NME2: variants seen among roughly 807,000 people sequenced by gnomAD.
The protein encoded by NME2 is NME/NM23 nucleoside diphosphate kinase 2, also known as nucleoside diphosphate kinase B.
Under a neutral mutation model 17.8 loss-of-function variants are expected in NME2, and 18 were observed. The ratio of observed to expected loss-of-function variants is 1.01; its 90% CI spans 0.70 to 1.50. NME2 has a LOEUF of 1.50. Ranked by LOEUF, NME2 falls within the 40% of genes most tolerant of loss-of-function variation. The probability of loss-of-function intolerance (pLI) is 0.00; values close to 1 mark genes in which losing one functional copy is unlikely to be tolerated. For missense variants in NME2, 161 were observed against 195.6 expected (o/e 0.82, Z 1.05); for synonymous variants, 74 against 71.4 (o/e 1.04, Z -0.19).
At chr17:51,166,802 C>T (rs1403515306) in intron 1 of NME2, 25 bp from the exon 2 acceptor site, 9 of 1,595,430 alleles carry the variant, frequency 5.6e-6, no homozygotes, top group East Asian at 4.6e-5. Flanking sequence ...GCGCCCGGGC[C>T]CTGACCGCAC....
chr17:51,166,115 CTGTGTGTGTG>C (rs34942810), upstream of NME2, among the ~76,000 whole-genome samples: 2 of 148,860 alleles, frequency 1.3e-5, no homozygotes, highest in Non-Finnish European at 3.0e-5. Flanking sequence ...GGAGCAGGTT[CTGTGTGTGTG>C]TGTGTGTGTG....
chr17:51,169,803 T>G, intron 3 of NME2, 134 bp from the exon 4 acceptor site: 2 of 759,726 alleles, frequency 2.6e-6, no homozygotes, highest in Admixed American at 5.9e-5. Context: ...AGGCCCCTAC[T>G]CTCTGCTGGG....
chr17:51,169,801 ACT>A, intron 3 of NME2, 134 bp from the exon 4 acceptor site: 2 of 744,330 alleles, frequency 2.7e-6, no homozygotes, highest in East Asian at 2.9e-5. Context: ...ATAGGCCCCT[ACT>A]CTCTGCTGGG....
chr17:51,169,898 T>C, intron 3 of NME2, 39 bp from the exon 4 acceptor site: 1 of 1,586,000 alleles, frequency 6.3e-7, no homozygotes. Flanking sequence ...CTGTCCTGAG[T>C]GGCAGGTCTG....
At chr17:51,170,634 T>G (rs1171641417) in intron 4 of NME2, among the ~76,000 whole-genome samples, 2 of 151,086 alleles carry the variant, frequency 1.3e-5, no homozygotes, top group African/African-American at 4.9e-5. Flanking sequence ...CTACTAAAAG[T>G]AAAAAATTAG....
At chr17:51,166,024 C>G (rs2049928088), upstream of NME2, 5 of 152,188 alleles carry the variant, frequency 3.3e-5, no homozygotes, top group Admixed American at 3.3e-4. Context: ...GGAGGGAGAG[C>G]CAAGTCAAGG....
chr17:51,168,355 T>C lies in NME2; in HGVS notation c.228+12T>C. 1 of 1,612,966 alleles carries C rather than the reference T, an allele frequency of 6.2e-7. No homozygotes were observed. The highest frequency in any genetic ancestry group is 8.5e-7 in the Non-Finnish European group (1 of 1,179,452). ...CGGTTGTGGCCATGGTGAGTGCTCG[T>C]GGGGAATGAGAGAAAATGAGGAAAA... On this transcript the variant is annotated intron_variant, in intron 3 of 4. Transcript: ENST00000512737.
At position 51,168,349 on chromosome 17, in the gene NME2, T is replaced by C; in HGVS notation, c.228+6T>C. 6.2e-7 allele frequency: 1 copy of C among 1,613,636 alleles called. No individual in the cohort carries two copies. Among genetic ancestry groups the C allele is most frequent in the Non-Finnish European group, 8.5e-7 (1 of 1,179,754 alleles). On this transcript the variant is annotated splice_donor_region_variant and intron_variant, in intron 3 of 4. Coordinates refer to ENST00000512737, the MANE Select transcript of NME2 (RefSeq NM_002512.4). ...CAGGGCCGGTTGTGGCCATGGTGAG[T>C]GCTCGTGGGGAATGAGAGAAAATGA...
intron 4 of NME2, among the ~76,000 whole-genome samples, chr17:51,171,271 G>T (rs2050063823): frequency 6.6e-6 from 1 of 152,132 alleles, no homozygotes; most frequent in Admixed American, 6.5e-5. Context: ...GCCAGACTTG[G>T]AAGCATAATA....
chr17:51,168,652 CAG>C (rs1349910716), intron 3 of NME2, among the ~76,000 whole-genome samples: 13 of 150,096 alleles, frequency 8.7e-5, no homozygotes, highest in East Asian at 4.0e-4. Context: ...GCCTGGGCAA[CAG>C]AGCGAGACTC....
chr17:51,169,647 C>A, intron 3 of NME2: 1 of 306,196 alleles, frequency 3.3e-6, no homozygotes, highest in Non-Finnish European at 6.0e-6. Context: ...CCACTTTCTC[C>A]TTTCTTCACC....
In NME2 at chr17:51,169,920, AT is replaced by A. The variant is rs2050031568; in HGVS notation, c.229-13del. On this transcript the variant is annotated splice_polypyrimidine_tract_variant and intron_variant, in intron 3 of 4. Coordinates refer to ENST00000512737, the MANE Select transcript of NME2 (RefSeq NM_002512.4). ...GAGTGGCAGGTCTGATTATAAATCC[AT>A]TTTCACACTTTCGAGGTCTGGGAGG... 6.2e-7 allele frequency: 1 copy of A among 1,613,124 alleles called. No homozygotes were observed. The highest frequency in any genetic ancestry group is 1.3e-5 in the African/African-American group (1 of 74,956).
At chr17:51,167,793 A>G (rs2049980074) in intron 2 of NME2, among the ~76,000 whole-genome samples, 1 of 152,176 alleles carries the variant, frequency 6.6e-6, no homozygotes, top group Admixed American at 6.5e-5. Flanking sequence ...AGCCTGAGCC[A>G]CATAGCAAGC....
intron 4 of NME2, 105 bp downstream of exon 4, chr17:51,170,154 T>TTTC (rs2050039450): frequency 2.0e-6 from 2 of 995,676 alleles, no homozygotes; most frequent in Non-Finnish European, 2.8e-6. Context: ...TTTTTTTTTT[T>TTTC]TTTTTTCTTG....
At chr17:51,168,845 C>A (rs1196394887) in intron 3 of NME2, among the ~76,000 whole-genome samples, 3 of 150,742 alleles carry the variant, frequency 2.0e-5, no homozygotes, top group Non-Finnish European at 4.4e-5. Context: ...AGGAGTTAAT[C>A]CCAGTTACTC....
intron 3 of NME2, among the ~76,000 whole-genome samples, chr17:51,169,218 G>A (rs1201031118): frequency 6.6e-6 from 1 of 151,946 alleles, no homozygotes; most frequent in Non-Finnish European, 1.5e-5. Flanking sequence ...CGAGGTGGGT[G>A]CATTACAAGG....
At chr17:51,167,000 G>A in intron 2 of NME2, 44 bp downstream of exon 2, 1 of 1,609,870 alleles carries the variant, frequency 6.2e-7, no homozygotes, top group Non-Finnish European at 8.5e-7. Context: ...GCCGGCTCGC[G>A]GGTGTTTTTC....
chr17:51,167,087 C>G, intron 2 of NME2, 131 bp downstream of exon 2: 1 of 1,552,220 alleles, frequency 6.4e-7, no homozygotes. Flanking sequence ...CCTCTGCCCC[C>G]GCCCACGGCG....
In NME2 at chr17:51,170,004, C is replaced by T. The variant is rs1156656038; in HGVS notation, c.296C>T (p.Ser99Leu). 6.2e-7 allele frequency: 1 copy of T among 1,613,258 alleles called. No homozygotes were observed. Among genetic ancestry groups the T allele is most frequent in the Non-Finnish European group, 8.5e-7 (1 of 1,179,732 alleles). ...VMLGETNPAD[S>L]KPGTIRGDFC... is the part of the protein sequence containing the mutation. ...CTTGGGGAGACCAATCCAGCAGATT[C>T]AAAGCCAGGCACCATTCGTGGGGAC... is the stretch of plus-strand genomic sequence containing the variant. The change falls in exon 4 of 5, where the codon TCA (serine) becomes TTA (leucine). Residue 99 changes from serine to leucine, a missense_variant. Ser to Leu is a moderately radical substitution (Grantham distance 145). Coordinates refer to ENST00000512737, the MANE Select transcript of NME2 (RefSeq NM_002512.4).
Sources: allele counts gnomAD v4.1 joint callset (sites outside exome capture counted in the v4.1 genomes callset), GRCh38; gene constraint gnomAD v4.1.1; transcripts MANE v1.5; gene names NCBI Gene and HGNC (gene_info 2026-07-23, HGNC 2026-07-21).